CELF2: variants seen among roughly 807,000 people sequenced by gnomAD.
CELF2 encodes the protein CUG triplet repeat RNA-binding protein 2.
CELF2 carries 8 observed loss-of-function variants against 62.6 expected under a neutral mutation model. The ratio of observed to expected loss-of-function variants is 0.13; its 90% confidence interval spans 0.07 to 0.23. The LOEUF is 0.23. CELF2 is among the 10% of genes least tolerant of loss of function. The pLI, the probability that CELF2 is intolerant of heterozygous loss-of-function variation, is 1.00. For synonymous variants in CELF2, 258 were observed against 250.0 expected, an observed-to-expected ratio of 1.03 and a Z score of -0.30; for missense variants, 333 against 671.0, an observed-to-expected ratio of 0.50 and a Z score of 5.56.
chr10:11,175,354 A>G (rs1385324954), intron 2 of CELF2, among the ~76,000 whole-genome samples: 1 of 152,216 alleles, frequency 6.6e-6, no homozygotes, highest in African/African-American at 2.4e-5. Context: ...AGGCTGTAGC[A>G]AGACATTAAA....
the CELF2 span, among the ~76,000 whole-genome samples, chr10:10,700,800 G>T: frequency 6.6e-6 from 1 of 152,200 alleles, no homozygotes; most frequent in East Asian, 1.9e-4. Flanking sequence ...CTCTTCAGAA[G>T]ATCTCTATGT....
At position 10,990,097 on chromosome 10, in the gene CELF2, C is replaced by G. The variant is rs1378779280; in HGVS notation, c.89+70098C>G. ...GAAGAAAATCAGAATTACCCACATA[C>G]ATTCACAAGAATTTTCATCTCAATG... On this transcript the variant is annotated intron_variant, in intron 2 of 13. Transcript: ENST00000636488. This position sits in a 1 kb window ranked among gnomAD's most constrained non-coding sequence, Gnocchi z 4.6. 6.6e-6 allele frequency among the ~76,000 whole-genome samples: 1 copy of G among 152,114 alleles called. No homozygotes were observed. Among genetic ancestry groups the G allele is most frequent in the Non-Finnish European group, 1.5e-5 (1 of 67,974 alleles).
chr10:11,203,775 G>A (rs578022818), intron 2 of CELF2, among the ~76,000 whole-genome samples: 110 of 152,296 alleles, frequency 7.2e-4, no homozygotes, highest in African/African-American at 2.4e-3. Flanking sequence ...CATTTTGGGG[G>A]TCATCCTTCT....
Position 11,270,543 on chromosome 10 carries a change from A to G in CELF2, c.619-123A>G. 1.2e-6 allele frequency: 1 copy of G among 815,220 alleles called. No homozygotes were observed. Among genetic ancestry groups the G allele is most frequent in the Non-Finnish European group, 1.8e-6 (1 of 565,670 alleles). The allele number at this position is 815,220 out of a possible 1,614,324, so 50.5% of individuals were successfully genotyped here. A position where few individuals can be genotyped will look rare whatever the true frequency, so the allele number is the denominator to read the frequency against. On this transcript the variant is annotated intron_variant, in intron 6 of 12. Coordinates refer to ENST00000633077, the MANE Select transcript of CELF2 (RefSeq NM_001326342.2). The surrounding 1 kb of genome is among the most constrained non-coding windows in gnomAD (Gnocchi z 5.8). The stretch of plus-strand genomic sequence containing the variant: ...AAGAAGGAATATCAAACCGTTTTAA[A>G]CCATTTCAGCCCATTCCATGTGCTC...
chr10:11,329,097 G>A lies in CELF2; in HGVS notation c.*44G>A. The stretch of plus-strand genomic sequence containing the variant: ...CCTGCTCTCATTTTAGCTTTCTTAG[G>A]GTAAGTCCCACGAGCCAGCCTGTCT... On this transcript the variant is annotated 3_prime_UTR_variant, in exon 13 of 13. Transcript: ENST00000633077. This position sits in a 1 kb window ranked among gnomAD's most constrained non-coding sequence, Gnocchi z 5.5. 3 of 1,562,590 alleles carry A rather than the reference G, an allele frequency of 1.9e-6. No homozygotes were observed. The highest frequency in any genetic ancestry group is 2.6e-6 in the Non-Finnish European group (3 of 1,145,602).
the CELF2 span, among the ~76,000 whole-genome samples, chr10:10,646,758 G>A: frequency 6.6e-6 from 1 of 152,164 alleles, no homozygotes; most frequent in African/African-American, 2.4e-5. Context: ...ATCATTCTGT[G>A]GAACTTGCAT....
At chr10:10,727,668 C>T in the CELF2 span, among the ~76,000 whole-genome samples, 11 of 151,446 alleles carry the variant, frequency 7.3e-5, no homozygotes, top group South Asian at 8.4e-4. Flanking sequence ...CCCAGCTATT[C>T]GGGAGGCTGA....
In CELF2 at chr10:11,270,838, A is replaced by G. The variant is rs747134489; in HGVS notation, c.777+14A>G. 7 of 1,360,110 alleles carry G rather than the reference A, an allele frequency of 5.1e-6. No individual in the cohort carries two copies. In the South Asian group the frequency reaches 1.3e-4, roughly 24 times the overall value. 84.3% of individuals were successfully genotyped at this position (1,360,110 alleles called of 1,614,324 possible). The stretch of plus-strand genomic sequence containing the variant: ...CAGTATCTGGCGGTAAGTGCTGGGC[A>G]ATGCCGGCGTGGTCTTCACCCGCTG... On this transcript the variant is annotated intron_variant, in intron 7 of 12. Coordinates refer to ENST00000633077, the MANE Select transcript of CELF2 (RefSeq NM_001326342.2). The surrounding 1 kb of genome is among the most constrained non-coding windows in gnomAD (Gnocchi z 5.8).
At position 10,995,334 on chromosome 10, in the gene CELF2, G is replaced by A. The variant is rs768690686; in HGVS notation, c.89+75335G>A. ...CCTTTTCTCCTGAGATGATGTCATC[G>A]AATTAATCATATGTTCAGCCAGCCA... On this transcript the variant is annotated intron_variant, in intron 2 of 13. Coordinates refer to the CELF2 transcript ENST00000636488. This position sits in a 1 kb window ranked among gnomAD's most constrained non-coding sequence, Gnocchi z 4.7. Among the ~76,000 whole-genome samples the A allele has an allele frequency of 3.3e-5, 5 of 151,996 alleles. No individual in the cohort carries two copies. Among genetic ancestry groups the A allele is most frequent in the African/African-American group, 4.8e-5 (2 of 41,370 alleles).
chr10:10,686,688 T>A, the CELF2 span, among the ~76,000 whole-genome samples: 1 of 152,120 alleles, frequency 6.6e-6, no homozygotes, highest in African/African-American at 2.4e-5. Context: ...GACATGCCTG[T>A]TTCACCTTCC....
At chr10:10,489,212 A>G in the CELF2 span, among the ~76,000 whole-genome samples, 1 of 152,084 alleles carries the variant, frequency 6.6e-6, no homozygotes, top group African/African-American at 2.4e-5. Flanking sequence ...GATAATAATG[A>G]CTCAACCTAA....
At chr10:10,753,411 A>T in the CELF2 span, among the ~76,000 whole-genome samples, 745 of 152,176 alleles carry the variant, frequency 4.9e-3, 5 homozygotes, top group African/African-American at 0.017. Context: ...TCACAAAAAA[A>T]TATATACTTT....
chr10:10,577,351 C>G, the CELF2 span, among the ~76,000 whole-genome samples: 7 of 133,484 alleles, frequency 5.2e-5, no homozygotes, highest in East Asian at 1.5e-3. Flanking sequence ...TCCAGTTGTT[C>G]TCAACAAATC....
the CELF2 span, among the ~76,000 whole-genome samples, chr10:10,680,580 C>T: frequency 2.6e-5 from 4 of 152,188 alleles, no homozygotes; most frequent in African/African-American, 4.8e-5. Context: ...TTATTAGGGC[C>T]CAGTTACATA....
chr10:10,855,395 C>A (rs1438771232), intron 1 of CELF2, among the ~76,000 whole-genome samples: 1 of 152,196 alleles, frequency 6.6e-6, no homozygotes, highest in Admixed American at 6.5e-5. Flanking sequence ...TGAGGCCCAG[C>A]CTGCACGTCT....
chr10:10,463,476 A>G, the CELF2 span, among the ~76,000 whole-genome samples: 2 of 152,176 alleles, frequency 1.3e-5, no homozygotes, highest in Non-Finnish European at 2.9e-5. Context: ...CAATCAACGA[A>G]CTTCTGTTCT....
intron 8 of CELF2, among the ~76,000 whole-genome samples, chr10:11,287,542 CTAGT>C (rs2091645740): frequency 6.6e-6 from 1 of 152,136 alleles, no homozygotes; most frequent in Non-Finnish European, 1.5e-5. Context: ...CACATTTATT[CTAGT>C]TAAAGTCCCT....
In CELF2 at chr10:10,891,911, A is replaced by T. The variant is rs565293133; in HGVS notation, c.54-28053A>T. Among the ~76,000 whole-genome samples, 3 of 152,348 alleles carry T rather than the reference A, an allele frequency of 2.0e-5. No homozygotes were observed. In the South Asian group the frequency reaches 6.2e-4, roughly 32 times the overall value. On this transcript the variant is annotated intron_variant, in intron 1 of 13. Coordinates refer to the CELF2 transcript ENST00000636488. Reference sequence around the variant, plus strand: ...TTGGGAGGAGCAAATAGCACAGTATATACTGAGTGCTAGAAAAATCTAAGG... The same window carrying T: ...TTGGGAGGAGCAAATAGCACAGTATTTACTGAGTGCTAGAAAAATCTAAGG...
intron 1 of CELF2, among the ~76,000 whole-genome samples, chr10:11,018,453 G>A (rs2057696469): frequency 1.3e-5 from 2 of 151,522 alleles, no homozygotes; most frequent in South Asian, 2.1e-4. Flanking sequence ...CGGGCCGAGC[G>A]CGGCGTCCCG....
Sources: gnomAD v4.1 joint callset for allele counts (sites outside exome capture counted in the v4.1 genomes callset) on GRCh38, gnomAD v4.1.1 for gene constraint, Gnocchi (gnomAD v3.1) non-coding constraint, MANE v1.5 for transcripts, NCBI Gene and HGNC (gene_info 2026-07-23, HGNC 2026-07-21) for gene names.